LTBP1: variants seen among roughly 807,000 people sequenced by gnomAD.
LTBP1 encodes latent transforming growth factor beta binding protein 1.
A neutral mutation model predicts 207.6 loss-of-function variants in LTBP1; 129 were observed. The observed-to-expected ratio is 0.62, with a 90% CI of 0.54 to 0.72. The LOEUF (loss-of-function observed/expected upper bound fraction) is 0.72. Ranked by LOEUF, LTBP1 falls within the 30% of genes least tolerant of loss-of-function variation. The probability of loss-of-function intolerance (pLI) is 0.00; values close to 1 mark genes in which losing one functional copy is unlikely to be tolerated. For synonymous variants in LTBP1, 963 were observed against 833.7 expected (o/e 1.16, Z -2.67); for missense variants, 2,281 against 2,217.2 (o/e 1.03, Z -0.58).
At chr2:33,106,614 CT>C (rs768064864) in intron 3 of LTBP1, among the ~76,000 whole-genome samples, 112 of 144,232 alleles carry the variant, frequency 7.8e-4, no homozygotes, top group Admixed American at 7.6e-4. Flanking sequence ...AAATCTTTTT[CT>C]TTTTTTTTTT....
At chr2:33,332,348 G>C (rs1573880767) in intron 24 of LTBP1, among the ~76,000 whole-genome samples, 2 of 118,948 alleles carry the variant, frequency 1.7e-5, no homozygotes, top group East Asian at 5.6e-4. Context: ...GGCCAGCCTG[G>C]TTGATGTAGT....
intron 9 of LTBP1, among the ~76,000 whole-genome samples, chr2:33,235,352 A>G (rs1394945053): frequency 6.6e-6 from 1 of 152,224 alleles, no homozygotes; most frequent in African/African-American, 2.4e-5. Flanking sequence ...ACAATGAGAT[A>G]CCATCTCACG....
At chr2:33,317,967 T>C (rs551515402) in intron 24 of LTBP1, 1 of 152,324 alleles carries the variant, frequency 6.6e-6, no homozygotes, top group African/African-American at 2.4e-5. Flanking sequence ...CATGTATAGA[T>C]TGAGTATTCC....
At chr2:33,234,520 G>A (rs966601795) in intron 9 of LTBP1, among the ~76,000 whole-genome samples, 1 of 152,146 alleles carries the variant, frequency 6.6e-6, no homozygotes, top group African/African-American at 2.4e-5. Context: ...TACAAGGGAT[G>A]TGAAGGACCT....
At chr2:33,315,798 G>A (rs1400463407) in intron 24 of LTBP1, among the ~76,000 whole-genome samples, 2 of 152,178 alleles carry the variant, frequency 1.3e-5, no homozygotes, top group Admixed American at 1.3e-4. Context: ...TTAGCCAGGT[G>A]TGGTGGTGGG....
intron 5 of LTBP1, among the ~76,000 whole-genome samples, chr2:33,171,783 A>G (rs2085479695): frequency 1.3e-5 from 2 of 152,182 alleles, no homozygotes; most frequent in Admixed American, 6.5e-5. Context: ...CACAAAGGGA[A>G]GCCCATCAGA....
intron 3 of LTBP1, among the ~76,000 whole-genome samples, chr2:33,093,778 C>A (rs562183974): frequency 6.6e-6 from 1 of 151,996 alleles, no homozygotes; most frequent in African/African-American, 2.4e-5. Flanking sequence ...CCACTGAGAA[C>A]TATTAGAGTC....
At chr2:33,000,816 C>T (rs867057899) in intron 2 of LTBP1, among the ~76,000 whole-genome samples, 1 of 134,186 alleles carries the variant, frequency 7.5e-6, no homozygotes, top group African/African-American at 2.6e-5. Flanking sequence ...TGGAGGCTAC[C>T]AAGGGGGAGA....
At chr2:33,010,386 G>C (rs550879380) in intron 2 of LTBP1, among the ~76,000 whole-genome samples, 21 of 152,240 alleles carry the variant, frequency 1.4e-4, no homozygotes, top group South Asian at 6.2e-4. Flanking sequence ...GTGTGGGGGG[G>C]ATGAAGAGAA....
intron 2 of LTBP1, among the ~76,000 whole-genome samples, chr2:33,017,628 GT>G (rs1156648830): frequency 2.8e-4 from 43 of 152,060 alleles, no homozygotes; most frequent in African/African-American, 1.0e-3. Flanking sequence ...GTTTTGTTTT[GT>G]TTTTTGAGAT....
At chr2:33,280,437 A>T (rs2093537161) in intron 19 of LTBP1, among the ~76,000 whole-genome samples, 1 of 152,226 alleles carries the variant, frequency 6.6e-6, no homozygotes, top group Admixed American at 6.5e-5. Context: ...AGTAAGGTCT[A>T]CAGGAAGGAA....
At position 33,086,109 on chromosome 2, in the gene LTBP1, G is replaced by A. The variant is rs776829924; in HGVS notation, c.864-24473G>A. ...TCAGGCATTGCTCTAAGTGCTGTAT[G>A]TGTATTCACCCACTGTGAAGTAGGT... On this transcript the variant is annotated intron_variant, in intron 3 of 33. Coordinates refer to ENST00000404816, the MANE Select transcript of LTBP1 (RefSeq NM_206943.4). 5.2e-4 allele frequency among the ~76,000 whole-genome samples: 79 copies of A among 152,244 alleles called. 1 individual carries two copies. Among genetic ancestry groups the A allele is most frequent in the Non-Finnish European group, 6.5e-4 (44 of 68,044 alleles).
chr2:33,181,453 G>T (rs1164306969), intron 5 of LTBP1, among the ~76,000 whole-genome samples: 1 of 152,180 alleles, frequency 6.6e-6, no homozygotes, highest in Non-Finnish European at 1.5e-5. Context: ...AAAACCTCCA[G>T]CTTGTTGTTC....
At chr2:33,365,889 A>C (rs2094980830) in intron 31 of LTBP1, among the ~76,000 whole-genome samples, 1 of 152,222 alleles carries the variant, frequency 6.6e-6, no homozygotes, top group Non-Finnish European at 1.5e-5. Context: ...AGACGGTAGA[A>C]AATCATTCTA....
At chr2:33,229,345 C>T (rs1380307850) in intron 9 of LTBP1, among the ~76,000 whole-genome samples, 1 of 151,812 alleles carries the variant, frequency 6.6e-6, no homozygotes, top group East Asian at 1.9e-4. Context: ...TGTGGTGGTG[C>T]ATGCCTGTAA....
At position 33,222,119 on chromosome 2, in the gene LTBP1, G is replaced by A; in HGVS notation, c.1844G>A (p.Gly615Asp). ...GYNQMMECLP[G>D]YKRVNNTFCQ... ...AACCAAATGATGGAATGCCTACCGGGTTATAAGCGGGTTAACAACACCTTT... is the reference window on the plus strand; with the variant it reads ...AACCAAATGATGGAATGCCTACCGGATTATAAGCGGGTTAACAACACCTTT... The change falls in exon 9 of 34, where the codon GGT (glycine) becomes GAT (aspartate). Residue 615 changes from glycine (G) to aspartate (D), a missense_variant. Physicochemically the swap from Gly to Asp is moderately conservative, Grantham distance 94. Around this residue, in one of 3 missense-constraint regions of LTBP1, gnomAD observed 1,671 missense variants for 1,634.8 expected, o/e 1.02. Coordinates refer to ENST00000404816, the MANE Select transcript of LTBP1 (RefSeq NM_206943.4). The A allele has an allele frequency of 6.2e-7, 1 of 1,612,760 alleles. No homozygotes were observed. Among genetic ancestry groups the A allele is most frequent in the Non-Finnish European group, 8.5e-7 (1 of 1,178,774 alleles).
chr2:33,158,990 G>A (rs1402993719), intron 5 of LTBP1, among the ~76,000 whole-genome samples: 1 of 152,192 alleles, frequency 6.6e-6, no homozygotes, highest in East Asian at 1.9e-4. Flanking sequence ...GGAGAGCTCA[G>A]TTAAGTGAGA....
At chr2:33,270,862 G>A (rs970579313) in intron 15 of LTBP1, among the ~76,000 whole-genome samples, 4 of 152,112 alleles carry the variant, frequency 2.6e-5, no homozygotes, top group African/African-American at 9.7e-5. Context: ...ACTTATGTAT[G>A]AGGTAATCAA....
intron 2 of LTBP1, among the ~76,000 whole-genome samples, chr2:32,968,913 G>A (rs1409600849): frequency 1.0e-4 from 11 of 107,566 alleles, no homozygotes; most frequent in Middle Eastern, 5.0e-3. Context: ...GTGTGTGTGT[G>A]TGTATTTTTT....
Sources: allele counts gnomAD v4.1 joint callset (sites outside exome capture counted in the v4.1 genomes callset), GRCh38; gene constraint gnomAD v4.1.1; regional missense constraint gnomAD v4.1.1; transcripts MANE v1.5; gene names NCBI Gene and HGNC (gene_info 2026-07-23, HGNC 2026-07-21).